The following ZNF800 variants were observed in gnomAD, a reference collection of about 807,000 sequenced individuals.
The protein encoded by ZNF800 is zinc finger protein 800.
In ZNF800, 13 loss-of-function variants were observed where a neutral mutation model predicts 59.5. The ratio of observed to expected loss-of-function variants is 0.22; its 90% CI spans 0.14 to 0.35. ZNF800 has a LOEUF of 0.35. Among genes scored for constraint, ZNF800 ranks in the 10% least tolerant of loss-of-function variants. The pLI is 1.00. For synonymous variants in ZNF800, 266 were observed against 265.7 expected, an observed-to-expected ratio of 1.00 and a Z score of -0.01; for missense variants, 621 against 783.7, an observed-to-expected ratio of 0.79 and a Z score of 2.48.
intron 2 of ZNF800, among the ~76,000 whole-genome samples, chr7:127,390,979 G>C (rs1164640908): frequency 6.6e-6 from 1 of 152,082 alleles, no homozygotes; most frequent in Non-Finnish European, 1.5e-5. Flanking sequence ...AATATGTTCT[G>C]CCCAAGATAT....
chr7:127,351,089 G>A (rs527710596), intron 1 of ZNF800, among the ~76,000 whole-genome samples: 80 of 152,308 alleles, frequency 5.3e-4, no homozygotes, highest in African/African-American at 1.8e-3. Flanking sequence ...TTTCTTCCAA[G>A]TCTGAAGTGA....
chr7:127,367,287 C>T (rs887903144), downstream of ZNF800, among the ~76,000 whole-genome samples: 4 of 152,042 alleles, frequency 2.6e-5, no homozygotes, highest in Non-Finnish European at 4.4e-5. Flanking sequence ...TTAGAAGCTA[C>T]CAAGTAAAAT....
chr7:127,391,403 A>C, intron 2 of ZNF800, 94 bp downstream of exon 2: 1 of 1,203,190 alleles, frequency 8.3e-7, no homozygotes. Context: ...CTTAAGAATG[A>C]CTACTGGGGC....
At chr7:127,367,664 A>G (rs1283540878), downstream of ZNF800, among the ~76,000 whole-genome samples, 1 of 152,182 alleles carries the variant, frequency 6.6e-6, no homozygotes, top group African/African-American at 2.4e-5. Flanking sequence ...AAATCCATCA[A>G]TATTGAGAAG....
At chr7:127,346,380 TTCTC>T (rs1350175200), downstream of ZNF800, among the ~76,000 whole-genome samples, 1 of 152,216 alleles carries the variant, frequency 6.6e-6, no homozygotes, top group East Asian at 1.9e-4. Flanking sequence ...CTGTGTACTT[TTCTC>T]AAAGAAAATG....
At chr7:127,344,315 A>C (rs1800020670), downstream of ZNF800, among the ~76,000 whole-genome samples, 1 of 152,084 alleles carries the variant, frequency 6.6e-6, no homozygotes, top group Non-Finnish European at 1.5e-5. Context: ...AATATCTAAC[A>C]ATACAATTAA....
Position 127,392,404 on chromosome 7 carries a change from G to C in ZNF800, c.-403C>G. On this transcript the variant is annotated 5_prime_UTR_variant, in exon 1 of 6. Transcript: ENST00000265827. ...TGCCGCCGCCACCACCGAAGGAGCC[G>C]GAACCGGAGCGGGCAGGACCTGAGG... 2.6e-6 allele frequency: 1 copy of C among 379,218 alleles called. No individual in the cohort carries two copies. Among genetic ancestry groups the C allele is most frequent in the Non-Finnish European group, 4.7e-6 (1 of 213,872 alleles). 23.5% of individuals were successfully genotyped at this position (379,218 alleles called of 1,614,324 possible). A position where few individuals can be genotyped will look rare whatever the true frequency, so the allele number is the denominator to read the frequency against.
downstream of ZNF800, among the ~76,000 whole-genome samples, chr7:127,344,649 C>T (rs1176460193): frequency 6.6e-6 from 1 of 152,024 alleles, no homozygotes; most frequent in Non-Finnish European, 1.5e-5. Context: ...TAATTAACAG[C>T]ATGGTTAAGG....
downstream of ZNF800, among the ~76,000 whole-genome samples, chr7:127,345,354 A>C (rs967367475): frequency 2.6e-5 from 4 of 151,344 alleles, no homozygotes; most frequent in African/African-American, 4.8e-5. Context: ...ATACAGGATT[A>C]GAGTGATGAA....
chr7:127,386,099 T>G lies in ZNF800; in HGVS notation c.118A>C (p.Lys40Gln). The change falls in exon 3 of 6, where the codon AAA becomes CAA. Residue 40 changes from lysine to glutamine, a missense_variant. By Grantham distance (53) the Lys-to-Gln change is moderately conservative. Transcript: ENST00000265827. ...TCAATTATTTGTTGAATACCAGATT[T>G]GGATGTCTGTAGTGGTTGCTGTAAC... ...PLLQQPLQTS[K>Q]SGIQQIIECF... is the part of the protein sequence containing the mutation. 1 of 1,612,154 alleles carries G rather than the reference T, an allele frequency of 6.2e-7. No homozygotes were observed. Among genetic ancestry groups the G allele is most frequent in the Non-Finnish European group, 8.5e-7 (1 of 1,178,852 alleles).
At position 127,374,916 on chromosome 7, in the gene ZNF800, T is replaced by C; in HGVS notation, c.420A>G (p.Gln140=). The C allele has an allele frequency of 6.2e-7, 1 of 1,613,940 alleles. No homozygotes were observed. The highest frequency in any genetic ancestry group is 1.3e-5 in the African/African-American group (1 of 75,028). Residue 140 remains glutamine (Q), a synonymous_variant, in exon 5 of 6, where the codon CAA becomes CAG. Coordinates refer to ENST00000265827, the MANE Select transcript of ZNF800 (RefSeq NM_176814.5). ...IIKLEPIETN[Q]NAVFQYISRT... The stretch of plus-strand genomic sequence containing the variant: ...TCGAAATATATTGAAATACTGCATT[T>C]TGATTAGTTTCTATGGGTTCTAGCT...
At chr7:127,386,909 G>A (rs1801151363) in intron 2 of ZNF800, among the ~76,000 whole-genome samples, 1 of 151,896 alleles carries the variant, frequency 6.6e-6, no homozygotes, top group Non-Finnish European at 1.5e-5. Flanking sequence ...ATTGGTAGAT[G>A]CAGAAATATA....
chr7:127,348,486 A>G (rs1800113023), intron 1 of ZNF800, among the ~76,000 whole-genome samples: 1 of 152,086 alleles, frequency 6.6e-6, no homozygotes, highest in Admixed American at 6.5e-5. Flanking sequence ...TATTGGTTAT[A>G]GTCTTTTTCT....
chr7:127,356,855 TCATTTCTA>T lies in ZNF800; in HGVS notation n.225-8820_225-8813del, dbSNP rs573025784. ...GCTATCCTCTTCTAATTCAGGTCTG[TCATTTCTA>T]CTATTGACTTCAGTTTTTAGGAGTT... On this transcript the variant is annotated intron_variant and non_coding_transcript_variant, in intron 1 of 1. Coordinates refer to the ZNF800 transcript ENST00000485577. 1.2e-4 allele frequency among the ~76,000 whole-genome samples: 18 copies of T among 152,160 alleles called. No individual in the cohort carries two copies. In the South Asian group the frequency reaches 3.7e-3, roughly 32 times the overall value.
intron 5 of ZNF800, among the ~76,000 whole-genome samples, chr7:127,372,129 C>G (rs1026926631): frequency 3.9e-5 from 6 of 152,074 alleles, no homozygotes; most frequent in Non-Finnish European, 8.8e-5. Flanking sequence ...GGAGTCTACT[C>G]ATTTTATGTT....
At chr7:127,382,162 A>G (rs962343239) in intron 3 of ZNF800, among the ~76,000 whole-genome samples, 11 of 152,184 alleles carry the variant, frequency 7.2e-5, no homozygotes, top group African/African-American at 2.7e-4. Flanking sequence ...ATATATTTCA[A>G]GAACTTAAAA....
chr7:127,373,976 C>CT lies in ZNF800; in HGVS notation c.1359dup (p.Asp454ArgfsTer3). 6.2e-7 allele frequency: 1 copy of CT among 1,613,754 alleles called. No homozygotes were observed. Among genetic ancestry groups the CT allele is most frequent in the Non-Finnish European group, 8.5e-7 (1 of 1,179,928 alleles). ...CTAGTTGATTTAGGGCTTTCAGAGT[C>CT]TTGTTTAACTTTATTTTTCTGTGCT... On this transcript the variant is annotated frameshift_variant, in exon 5 of 6. Coordinates refer to ENST00000265827, the MANE Select transcript of ZNF800 (RefSeq NM_176814.5). LOFTEE classifies it high-confidence loss of function.
rs1420620338 is a variant in ZNF800 at position 127,373,621 on chromosome 7, A to G, written c.1715T>C (p.Val572Ala). ...KKPIDFVLNK[V>A]AKRGPSRDEA... ...ATCCCTCGAAGGGCCTCTTTTTGCC[A>G]CTTTATTTAGAACAAAATCAATAGG... The change falls in exon 5 of 6, where the codon GTG (valine) becomes GCG (alanine). Residue 572 changes from valine to alanine, a missense_variant. By Grantham distance (64) the Val-to-Ala change is moderately conservative. This residue lies in a region of ZNF800 where 94 missense variants were observed against 108.5 expected (regional missense o/e 0.87). Coordinates refer to ENST00000265827, the MANE Select transcript of ZNF800 (RefSeq NM_176814.5). 6.2e-7 allele frequency: 1 copy of G among 1,614,096 alleles called. No individual in the cohort carries two copies. The highest frequency in any genetic ancestry group is 1.1e-5 in the South Asian group (1 of 91,080).
chr7:127,391,400 A>C (rs920474537), intron 2 of ZNF800, 97 bp downstream of exon 2: 6 of 1,192,728 alleles, frequency 5.0e-6, no homozygotes, highest in South Asian at 4.9e-5. Flanking sequence ...CTGCTTAAGA[A>C]TGACTACTGG....
Sources: gnomAD v4.1 joint callset for allele counts (sites outside exome capture counted in the v4.1 genomes callset) on GRCh38, gnomAD v4.1.1 for gene constraint, gnomAD v4.1.1 regional missense constraint, MANE v1.5 for transcripts, NCBI Gene and HGNC (gene_info 2026-07-23, HGNC 2026-07-21) for gene names.